The following SEMA4D variants were observed in gnomAD, a reference collection of about 807,000 sequenced individuals.
SEMA4D encodes the protein semaphorin-4D.
In SEMA4D, 22 loss-of-function variants were observed where a neutral mutation model predicts 74.8. The ratio of observed to expected loss-of-function variants is 0.29; its 90% CI spans 0.21 to 0.42. The LOEUF (loss-of-function observed/expected upper bound fraction) is 0.42. SEMA4D is among the 10% of genes least tolerant of loss of function. SEMA4D has a pLI of 1.00. For synonymous variants in SEMA4D, 445 were observed against 463.7 expected, an observed-to-expected ratio of 0.96 and a Z score of 0.52; for missense variants, 937 against 1,118.4, an observed-to-expected ratio of 0.84 and a Z score of 2.31.
downstream of SEMA4D, among the ~76,000 whole-genome samples, chr9:89,374,325 C>T (rs891997912): frequency 3.9e-5 from 6 of 152,180 alleles, no homozygotes; most frequent in Admixed American, 2.6e-4. Context: ...CATCTGTGAC[C>T]GCCAGCTTTC....
chr9:89,414,459 G>T (rs1845258555), intron 2 of SEMA4D, among the ~76,000 whole-genome samples: 1 of 152,182 alleles, frequency 6.6e-6, no homozygotes, highest in Admixed American at 6.5e-5. Flanking sequence ...GCAGCCAGGT[G>T]CTGGGAAACA....
At chr9:89,392,728 GT>G (rs1342619771) in intron 7 of SEMA4D, among the ~76,000 whole-genome samples, 192 bp from the exon 8 acceptor site, 1 of 151,860 alleles carries the variant, frequency 6.6e-6, no homozygotes, top group Admixed American at 6.6e-5. Context: ...TCGAGATGAG[GT>G]TTTTTTGTTT....
chr9:89,427,268 G>C (rs542507889), intron 2 of SEMA4D, among the ~76,000 whole-genome samples: 1 of 152,166 alleles, frequency 6.6e-6, no homozygotes, highest in South Asian at 2.1e-4. Context: ...AGTCAGAAGA[G>C]GGGGGCAGCC....
chr9:89,415,244 T>C (rs1367789630), intron 2 of SEMA4D, among the ~76,000 whole-genome samples: 1 of 152,170 alleles, frequency 6.6e-6, no homozygotes, highest in Non-Finnish European at 1.5e-5. Context: ...GCAAAAATAA[T>C]CATCTTCCAC....
At chr9:89,400,021 A>AAG in intron 4 of SEMA4D, among the ~76,000 whole-genome samples, 1 of 151,302 alleles carries the variant, frequency 6.6e-6, no homozygotes, top group East Asian at 1.9e-4. Context: ...AAAAAAAAAA[A>AAG]AAAAAAAAAA....
At chr9:89,363,660 C>T in intron 17 of SEMA4D, 1 of 1,592,574 alleles carries the variant, frequency 6.3e-7, no homozygotes, top group Non-Finnish European at 8.6e-7. Flanking sequence ...AGCATGCTTT[C>T]CAGCTGTTTT....
At chr9:89,460,794 G>A (rs536802748) in intron 1 of SEMA4D, among the ~76,000 whole-genome samples, 16 of 152,350 alleles carry the variant, frequency 1.1e-4, no homozygotes, top group East Asian at 3.9e-4. Context: ...GCCCTCCAGC[G>A]TGGAACTCAG....
intron 2 of SEMA4D, among the ~76,000 whole-genome samples, chr9:89,445,331 C>T (rs545538565): frequency 2.0e-5 from 3 of 152,292 alleles, no homozygotes; most frequent in African/African-American, 7.2e-5. Context: ...GTTTACACTG[C>T]CTGTATGGTT....
At chr9:89,368,069 T>G (rs956832099) in intron 16 of SEMA4D, 3 of 152,342 alleles carry the variant, frequency 2.0e-5, no homozygotes, top group African/African-American at 7.2e-5. Flanking sequence ...ATCCACCCAG[T>G]GACTGAGTTG....
At chr9:89,432,899 G>A (rs1007317981) in intron 2 of SEMA4D, among the ~76,000 whole-genome samples, 3 of 152,198 alleles carry the variant, frequency 2.0e-5, no homozygotes, top group Admixed American at 1.3e-4. Context: ...TCAAAGAGAC[G>A]TGTACACTCA....
exon 19 of SEMA4D, chr9:89,362,242 T>C: frequency 7.9e-7 from 1 of 1,261,890 alleles, no homozygotes. Context: ...CTGTCCCGCC[T>C]CTGCCCATCA....
chr9:89,473,512 T>C (rs1860962059), intron 1 of SEMA4D, among the ~76,000 whole-genome samples: 1 of 151,974 alleles, frequency 6.6e-6, no homozygotes, highest in Non-Finnish European at 1.5e-5. Flanking sequence ...ATGGGAGGAC[T>C]GAAGTTCAAG....
At position 89,450,659 on chromosome 9, in the gene SEMA4D, G is replaced by GAAAA. The variant is rs1564832883; in HGVS notation, c.-244+5228_-244+5229insTTTT. ...AGAGTTCTGCAAGTCGAAAAACCCA[G>GAAAA]GAAAAAAAAAAAAAAAAAAAAAAAA... On this transcript the variant is annotated intron_variant, in intron 2 of 15. Coordinates refer to ENST00000422704, the MANE Select transcript of SEMA4D (RefSeq NM_001371194.2). 44 of 421,238 alleles carry GAAAA rather than the reference G, an allele frequency of 1.0e-4. 11 individuals are homozygous for GAAAA. The East Asian group carries it at 1.2e-3, about 11-fold the overall frequency. 26.1% of individuals were successfully genotyped at this position (421,238 alleles called of 1,614,324 possible).
At chr9:89,455,404 AG>A (rs1368909124) in intron 2 of SEMA4D, among the ~76,000 whole-genome samples, 1 of 152,218 alleles carries the variant, frequency 6.6e-6, no homozygotes, top group Non-Finnish European at 1.5e-5. Flanking sequence ...GTTAGTGGAC[AG>A]AAGAGAAGCA....
chr9:89,469,490 T>C (rs777190204), intron 1 of SEMA4D, among the ~76,000 whole-genome samples: 1 of 152,120 alleles, frequency 6.6e-6, no homozygotes, highest in Non-Finnish European at 1.5e-5. Flanking sequence ...TATAGGACAA[T>C]ACCCCTCATG....
intron 4 of SEMA4D, among the ~76,000 whole-genome samples, chr9:89,401,620 G>A (rs1842233795): frequency 6.6e-6 from 1 of 152,160 alleles, no homozygotes; most frequent in Non-Finnish European, 1.5e-5. Flanking sequence ...TCAAAGAAGA[G>A]CAAATATCTT....
chr9:89,463,416 G>A (rs549117466), intron 1 of SEMA4D, among the ~76,000 whole-genome samples: 3 of 152,168 alleles, frequency 2.0e-5, no homozygotes, highest in African/African-American at 7.2e-5. Context: ...GGTCCTCTTC[G>A]TAGACAGGGG....
chr9:89,427,598 G>C (rs962631995), intron 2 of SEMA4D, among the ~76,000 whole-genome samples: 11 of 152,150 alleles, frequency 7.2e-5, no homozygotes, highest in African/African-American at 2.7e-4. Context: ...AAGGAACCTG[G>C]TCCTATTAAC....
At chr9:89,481,496 G>T (rs578211066) in intron 1 of SEMA4D, among the ~76,000 whole-genome samples, 4 of 152,350 alleles carry the variant, frequency 2.6e-5, no homozygotes, top group African/African-American at 7.2e-5. Context: ...GACAATAAAA[G>T]GCTAAAACAC....
Sources: allele counts gnomAD v4.1 joint callset (sites outside exome capture counted in the v4.1 genomes callset), GRCh38; gene constraint gnomAD v4.1.1; transcripts MANE v1.5; gene names NCBI Gene and HGNC (gene_info 2026-07-23, HGNC 2026-07-21).